Variants in C5orf46 observed in about 807,000 individuals in gnomAD.
C5orf46 encodes the protein uncharacterized protein C5orf46.
In C5orf46, 9 loss-of-function variants were observed where a neutral mutation model predicts 8.9. The ratio of observed to expected loss-of-function variants is 1.01; its 90% CI spans 0.61 to 1.76. The LOEUF is 1.76. Among genes scored for constraint, C5orf46 ranks in the 40% most tolerant of loss-of-function variants. The pLI, the probability that C5orf46 is intolerant of heterozygous loss-of-function variation, is 0.00. For missense variants in C5orf46, 98 were observed against 107.8 expected (o/e 0.91, Z 0.40); for synonymous variants, 47 against 41.4 (o/e 1.14, Z -0.52).
chr5:147,899,412 T>C (rs1757633663), intron 2 of C5orf46, among the ~76,000 whole-genome samples: 1 of 152,188 alleles, frequency 6.6e-6, no homozygotes, highest in Non-Finnish European at 1.5e-5. Context: ...AGATCCTGGC[T>C]CTACCACCCG....
chr5:147,888,628 C>T (rs1757456397), downstream of C5orf46, among the ~76,000 whole-genome samples: 1 of 152,192 alleles, frequency 6.6e-6, no homozygotes, highest in Non-Finnish European at 1.5e-5. Flanking sequence ...CAGCACATGT[C>T]TCCCTTCCTT....
downstream of C5orf46, among the ~76,000 whole-genome samples, chr5:147,888,446 T>C (rs1233844096): frequency 6.6e-6 from 1 of 152,184 alleles, no homozygotes; most frequent in Non-Finnish European, 1.5e-5. Flanking sequence ...CTTACTTTCT[T>C]CCTTCTTATT....
downstream of C5orf46, among the ~76,000 whole-genome samples, chr5:147,889,748 C>T (rs563856944): frequency 3.3e-5 from 5 of 152,222 alleles, no homozygotes; most frequent in South Asian, 1.0e-3. Flanking sequence ...TTGGCTCCAG[C>T]GTTACTCAAC....
At chr5:147,897,724 T>G (rs1757605657) in intron 2 of C5orf46, among the ~76,000 whole-genome samples, 1 of 152,212 alleles carries the variant, frequency 6.6e-6, no homozygotes, top group African/African-American at 2.4e-5. Flanking sequence ...AAACTGAAAT[T>G]TCTGATGTTA....
chr5:147,893,831 T>C lies in C5orf46; in HGVS notation c.*10-892A>G, dbSNP rs953609417. ...GCTGGGATTTGGTAGGCACCTGTAA[T>C]GGCATGAGGCACTATGCCCAGCCAT... is the stretch of plus-strand genomic sequence containing the variant. On this transcript the variant is annotated intron_variant, in intron 3 of 3. Transcript: ENST00000318315. Among the ~76,000 whole-genome samples, 14 of 152,196 alleles carry C rather than the reference T, an allele frequency of 9.2e-5. No homozygotes were observed. The East Asian group carries it at 2.5e-3, about 27-fold the overall frequency.
chr5:147,897,173 G>A, intron 2 of C5orf46, 132 bp from the exon 3 acceptor site: 2 of 435,454 alleles, frequency 4.6e-6, no homozygotes, highest in South Asian at 1.2e-4. Flanking sequence ...AAAGAAATAA[G>A]ACCTAAAATT....
chr5:147,889,106 T>C (rs373844782), downstream of C5orf46, among the ~76,000 whole-genome samples: 9 of 152,210 alleles, frequency 5.9e-5, no homozygotes, highest in East Asian at 1.5e-3. Context: ...CTTATACATA[T>C]AAGCTTGTTT....
chr5:147,888,787 G>A (rs1757458659), downstream of C5orf46, among the ~76,000 whole-genome samples: 2 of 152,118 alleles, frequency 1.3e-5, no homozygotes, highest in Non-Finnish European at 2.9e-5. Context: ...TTATTTGTGA[G>A]CTCCAAGATT....
chr5:147,903,844 C>G (rs781539217), intron 1 of C5orf46, among the ~76,000 whole-genome samples: 3 of 152,140 alleles, frequency 2.0e-5, no homozygotes, highest in Non-Finnish European at 2.9e-5. Context: ...ACGTCCTGGG[C>G]TCAAGACATC....
At chr5:147,898,590 CA>C (rs1301144319) in intron 2 of C5orf46, among the ~76,000 whole-genome samples, 1 of 152,056 alleles carries the variant, frequency 6.6e-6, no homozygotes, top group Non-Finnish European at 1.5e-5. Flanking sequence ...AGATTATAGG[CA>C]GTGTTCCCAA....
chr5:147,899,690 A>C (rs1465759476), intron 2 of C5orf46, among the ~76,000 whole-genome samples: 4 of 152,204 alleles, frequency 2.6e-5, no homozygotes, highest in African/African-American at 9.6e-5. Context: ...TAACAAGGTA[A>C]AGTGATAGAG....
Position 147,901,707 on chromosome 5 carries a change from G to A in C5orf46, c.137C>T (p.Pro46Leu), listed in dbSNP as rs1468732917. 1 of 1,614,012 alleles carries A rather than the reference G, an allele frequency of 6.2e-7. No homozygotes were observed. Among genetic ancestry groups the A allele is most frequent in the Admixed American group, 1.7e-5 (1 of 60,004 alleles). The change falls in exon 2 of 4, where the codon CCC becomes CTC. Residue 46 changes from proline (P) to leucine (L), a missense_variant. Transcript: ENST00000318315. ...DSGKDPKPDF[P>L]KFLSLLGTEI... ...TGTGCCCAGGAGGCTTAGGAATTTG[G>A]GGAAGTCTGGCTTTGGGTCTTTGCC...
chr5:147,889,544 C>A (rs1459250000), downstream of C5orf46, among the ~76,000 whole-genome samples: 1 of 152,024 alleles, frequency 6.6e-6, no homozygotes, highest in African/African-American at 2.4e-5. Flanking sequence ...AAAAGTAATT[C>A]CTCTCACCTA....
intron 3 of C5orf46, among the ~76,000 whole-genome samples, chr5:147,893,392 C>G (rs936062227): frequency 2.0e-5 from 3 of 147,704 alleles, no homozygotes; most frequent in Non-Finnish European, 3.0e-5. Flanking sequence ...TCAAGCGATT[C>G]TTCTGCCTCA....
At chr5:147,891,069 G>A (rs1757496630), downstream of C5orf46, among the ~76,000 whole-genome samples, 1 of 152,138 alleles carries the variant, frequency 6.6e-6, no homozygotes, top group African/African-American at 2.4e-5. Flanking sequence ...TGTCACAGGG[G>A]AATTCTCTGC....
In C5orf46 at chr5:147,896,564, C is replaced by T. The variant is rs74325564; in HGVS notation, c.*9+420G>A. ...TATTGTTTGCCCATATATCTAACTGCGTGAGATAGAAAGTTTGTTATCCTT... is the reference window on the plus strand; with the variant it reads ...TATTGTTTGCCCATATATCTAACTGTGTGAGATAGAAAGTTTGTTATCCTT... On this transcript the variant is annotated intron_variant, in intron 3 of 3. Coordinates refer to ENST00000318315, the MANE Select transcript of C5orf46 (RefSeq NM_206966.3). Among the ~76,000 whole-genome samples, 1,207 of 152,234 alleles carry T rather than the reference C, an allele frequency of 7.9e-3. 16 individuals carry two copies. The highest frequency in any genetic ancestry group is 0.027 in the African/African-American group (1,142 of 41,554).
chr5:147,902,435 A>G (rs757685514), intron 1 of C5orf46, among the ~76,000 whole-genome samples: 23 of 152,166 alleles, frequency 1.5e-4, no homozygotes, highest in Non-Finnish European at 3.4e-4. Flanking sequence ...CTGGGTGACA[A>G]AGTGAGACCC....
intron 1 of C5orf46, among the ~76,000 whole-genome samples, chr5:147,904,465 C>A (rs569160233): frequency 5.9e-5 from 9 of 152,310 alleles, no homozygotes; most frequent in Non-Finnish European, 1.3e-4. Context: ...TTGCCAAATG[C>A]AAAGCAGTAA....
At chr5:147,906,384 C>T in intron 1 of C5orf46, 48 bp downstream of exon 1, 1 of 1,287,222 alleles carries the variant, frequency 7.8e-7, no homozygotes, top group Non-Finnish European at 1.1e-6. Flanking sequence ...TTTCTCTAGT[C>T]ACTGCTAACT....
Sources: allele counts gnomAD v4.1 joint callset (sites outside exome capture counted in the v4.1 genomes callset), GRCh38; gene constraint gnomAD v4.1.1; transcripts MANE v1.5; gene names NCBI Gene and HGNC (gene_info 2026-07-23, HGNC 2026-07-21).